The following PWWP3A variants were observed in gnomAD, a reference collection of about 807,000 sequenced individuals.
PWWP3A encodes PWWP domain-containing DNA repair factor 3A.
Under a neutral mutation model 79.0 loss-of-function variants are expected in PWWP3A, and 53 were observed. The observed-to-expected ratio is 0.67, with a 90% CI of 0.54 to 0.84. The LOEUF (loss-of-function observed/expected upper bound fraction) is 0.84. PWWP3A is among the 40% of genes least tolerant of loss of function. PWWP3A has a pLI of 0.00. For synonymous variants in PWWP3A, 443 were observed against 394.4 expected (o/e 1.12, Z -1.46); for missense variants, 973 against 948.0 (o/e 1.03, Z -0.35).
At chr19:1,371,210 C>T (rs749222697) in intron 12 of PWWP3A, 132 bp downstream of exon 12, 9 of 1,015,084 alleles carry the variant, frequency 8.9e-6, no homozygotes, top group Non-Finnish European at 1.2e-5. Context: ...AGCGTGGAGG[C>T]CTCCTGTGTT....
In PWWP3A at chr19:1,376,750, A is replaced by C; in HGVS notation, c.*174A>C. On this transcript the variant is annotated 3_prime_UTR_variant, in exon 14 of 14. Transcript: ENST00000591337. The stretch of plus-strand genomic sequence containing the variant: ...CTTCTGGAGAATCCATTTCGTTAAC[A>C]CTGAAAGCCAGTTCTCTTTTCCTGG... 2.0e-6 allele frequency: 1 copy of C among 507,822 alleles called. No individual in the cohort carries two copies. Among genetic ancestry groups the C allele is most frequent in the African/African-American group, 2.0e-5 (1 of 50,534 alleles). The allele number at this position is 507,822 out of a possible 1,614,324, so 31.5% of individuals were successfully genotyped here. A position where few individuals can be genotyped will look rare whatever the true frequency, so the allele number is the denominator to read the frequency against.
intron 13 of PWWP3A, among the ~76,000 whole-genome samples, chr19:1,375,414 TTA>T (rs1370989045): frequency 2.8e-5 from 3 of 107,660 alleles, no homozygotes; most frequent in Non-Finnish European, 3.7e-5. Context: ...ATAATATATA[TTA>T]TATATATAAA....
At chr19:1,361,291 G>A (rs2082009622) in intron 5 of PWWP3A, among the ~76,000 whole-genome samples, 2 of 152,248 alleles carry the variant, frequency 1.3e-5, no homozygotes, top group South Asian at 4.1e-4. Context: ...CCGTAGAGGG[G>A]CGGCGGGCCA....
intron 5 of PWWP3A, among the ~76,000 whole-genome samples, chr19:1,361,348 G>A (rs1396202825): frequency 2.0e-5 from 3 of 152,222 alleles, no homozygotes; most frequent in East Asian, 1.9e-4. Flanking sequence ...TGCTGAGGCC[G>A]CAGCTGCGGC....
In PWWP3A at chr19:1,376,122, C is replaced by CTT. The variant is rs764962400; in HGVS notation, c.2076-378_2076-377dup. 8.7e-3 allele frequency among the ~76,000 whole-genome samples: 931 copies of CTT among 107,628 alleles called. 35 individuals carry two copies. Among genetic ancestry groups the CTT allele is most frequent in the African/African-American group, 0.033 (878 of 26,810 alleles). The allele number at this position is 107,628 out of a possible 152,430, so 70.6% of individuals were successfully genotyped here. On this transcript the variant is annotated intron_variant, in intron 13 of 13. Coordinates refer to ENST00000591337, the MANE Select transcript of PWWP3A (RefSeq NM_001369789.1). Reference sequence around the variant, plus strand: ...AAGTGCCTGGACTCTCTGTCATACTCTTTTTTTTTTTTTTTTTTTTAGAGA... The same window carrying CTT: ...AAGTGCCTGGACTCTCTGTCATACTCTTTTTTTTTTTTTTTTTTTTTTAGAGA...
In PWWP3A at chr19:1,369,136, G is replaced by T; in HGVS notation, c.1423-129G>T. 9.2e-6 allele frequency: 7 copies of T among 756,768 alleles called. No homozygotes were observed. Among genetic ancestry groups the T allele is most frequent in the Middle Eastern group, 3.0e-4 (1 of 3,310 alleles). 46.9% of individuals were successfully genotyped at this position (756,768 alleles called of 1,614,324 possible). A position where few individuals can be genotyped will look rare whatever the true frequency, so the allele number is the denominator to read the frequency against. On this transcript the variant is annotated intron_variant, in intron 9 of 13. Coordinates refer to ENST00000591337, the MANE Select transcript of PWWP3A (RefSeq NM_001369789.1). The surrounding 1 kb of genome is among the most constrained non-coding windows in gnomAD (Gnocchi z 4.0). ...TGCCAGAGCCCCCTTTGTCAGGGAGGGTCAGAGGTGCGGGCTGGAGCGTGA... is the reference window on the plus strand; with the variant it reads ...TGCCAGAGCCCCCTTTGTCAGGGAGTGTCAGAGGTGCGGGCTGGAGCGTGA...
rs138481454 is a variant in PWWP3A, at chr19:1,370,652, C to T, written c.1560C>T (p.Val520=). 221 of 1,449,708 alleles carry T rather than the reference C, an allele frequency of 1.5e-4. No homozygotes were observed. The highest frequency in any genetic ancestry group is 1.9e-4 in the Non-Finnish European group (212 of 1,098,870). 89.8% of individuals were successfully genotyped at this position (1,449,708 alleles called of 1,614,324 possible). A position where few individuals can be genotyped will look rare whatever the true frequency, so the allele number is the denominator to read the frequency against. ...GTGCTTCTTTTGCAGGCTATCCTGT[C>T]CGAAAATCCATCCAGCAGGACGTCT... ...EYYAADISYP[V]RKSIQQDVLG... The change falls in exon 12 of 14, where the codon GTC becomes GTT. Residue 520 remains valine, a synonymous_variant. Transcript: ENST00000591337.
Position 1,370,883 on chromosome 19 carries a change from G to T in PWWP3A, c.1791G>T (p.Lys597Asn). The change falls in exon 12 of 14, where the codon AAG becomes AAT. Residue 597 changes from lysine to asparagine, a missense_variant. By Grantham distance (94) the Lys-to-Asn change is moderately conservative. Transcript: ENST00000591337. ...TGCGGGCCATCCTAAAGAGCAGGAA[G>T]CCATCTCGCTGGCTGCAGACCTTCC... Reference protein sequence around the residue: ...SHLRAILKSRKPSRWLQTFLS... With the variant: ...SHLRAILKSRNPSRWLQTFLS... 1 of 1,556,816 alleles carries T rather than the reference G, an allele frequency of 6.4e-7. No individual in the cohort carries two copies. The highest frequency in any genetic ancestry group is 8.7e-7 in the Non-Finnish European group (1 of 1,149,912).
In PWWP3A at chr19:1,362,371, C is replaced by T. The variant is rs768651058; in HGVS notation, c.1213+20C>T. On this transcript the variant is annotated intron_variant, in intron 6 of 13. Coordinates refer to ENST00000591337, the MANE Select transcript of PWWP3A (RefSeq NM_001369789.1). Reference sequence around the variant, plus strand: ...ACCACGGTAAGAAATGATCAGGGGGCGCCGGCAGTCCTAACGGTGCGCTCA... The same window carrying T: ...ACCACGGTAAGAAATGATCAGGGGGTGCCGGCAGTCCTAACGGTGCGCTCA... 1.3e-5 allele frequency: 21 copies of T among 1,600,264 alleles called. No homozygotes were observed. Among genetic ancestry groups the T allele is most frequent in the Middle Eastern group, 1.8e-4 (1 of 5,626 alleles).
chr19:1,356,439 G>A lies in PWWP3A; in HGVS notation c.47G>A (p.Trp16Ter). 1 of 1,614,142 alleles carries A rather than the reference G, an allele frequency of 6.2e-7. No individual in the cohort carries two copies. The highest frequency in any genetic ancestry group is 1.1e-5 in the South Asian group (1 of 91,082). Residue 16 changes from tryptophan to a stop codon, truncating the protein, a stop_gained, in exon 2 of 14, where the codon TGG (tryptophan) becomes TAG (stop). Coordinates refer to ENST00000591337, the MANE Select transcript of PWWP3A (RefSeq NM_001369789.1). LOFTEE classifies it high-confidence loss of function. ...YVLCRWEKRL[W>*]PAKVLARTAT... ...CTCTGCCGATGGGAAAAGCGATTAT[G>A]GCCTGCGAAGGTGACAGCCATTATT...
chr19:1,355,226 G>A (rs2081818833), intron 1 of PWWP3A, 91 bp downstream of exon 1: 1 of 152,096 alleles, frequency 6.6e-6, no homozygotes, highest in Non-Finnish European at 1.5e-5. Context: ...CCGGCCTAGA[G>A]ACTCCTCCGG....
rs1226029935 is a variant in PWWP3A, at chr19:1,368,686, A to G, written c.1423-579A>G. On this transcript the variant is annotated intron_variant, in intron 9 of 13. Coordinates refer to ENST00000591337, the MANE Select transcript of PWWP3A (RefSeq NM_001369789.1). This position sits in a 1 kb window ranked among gnomAD's most constrained non-coding sequence, Gnocchi z 4.7. ...CTGCTGCCAGCCCAGGTGCTGTTAG[A>G]GCAGCCCAGGTGCTGGCCTAGCCTG... 6.6e-6 allele frequency among the ~76,000 whole-genome samples: 1 copy of G among 152,150 alleles called. No homozygotes were observed.
In PWWP3A at chr19:1,364,511, C is replaced by A; in HGVS notation, c.1216C>A (p.Pro406Thr). Residue 406 changes from proline to threonine, a missense_variant and splice_region_variant, in exon 7 of 14, where the codon CCA (proline) becomes ACA (threonine). Physicochemically the swap from Pro to Thr is conservative, Grantham distance 38 (BLOSUM62 -1). Transcript: ENST00000591337. Reference sequence around the variant, plus strand: ...TTTTCTTTTTTCTTTAATTCTAGAACCACGTTCGTTTGAAGTAGGAATGCT... The same window carrying A: ...TTTTCTTTTTTCTTTAATTCTAGAAACACGTTCGTTTGAAGTAGGAATGCT... ...EPPRVLLYHE[P>T]RSFEVGMLVW... The A allele has an allele frequency of 6.3e-7, 1 of 1,594,462 alleles. No homozygotes were observed. Among genetic ancestry groups the A allele is most frequent in the Non-Finnish European group, 8.5e-7 (1 of 1,173,482 alleles).
rs2082169753 is a variant in PWWP3A at position 1,368,230 on chromosome 19, AGTT to A, written c.1422+1011_1422+1013del. Among the ~76,000 whole-genome samples, 1 of 152,040 alleles carries A rather than the reference AGTT, an allele frequency of 6.6e-6. No individual in the cohort carries two copies. Among genetic ancestry groups the A allele is most frequent in the Admixed American group, 6.5e-5 (1 of 15,268 alleles). ...GAGCCACTGCGCCCGGCTGGAACTG[AGTT>A]ACTTTCTAAAAATGGATGAAGGTGT... On this transcript the variant is annotated intron_variant, in intron 9 of 13. Coordinates refer to ENST00000591337, the MANE Select transcript of PWWP3A (RefSeq NM_001369789.1). This position sits in a 1 kb window ranked among gnomAD's most constrained non-coding sequence, Gnocchi z 4.7.
chr19:1,376,749 C>T lies in PWWP3A; in HGVS notation c.*173C>T. 2 of 510,818 alleles carry T rather than the reference C, an allele frequency of 3.9e-6. No individual in the cohort carries two copies. Among genetic ancestry groups the T allele is most frequent in the African/African-American group, 2.0e-5 (1 of 50,710 alleles). 31.6% of individuals were successfully genotyped at this position (510,818 alleles called of 1,614,324 possible). A position where few individuals can be genotyped will look rare whatever the true frequency, so the allele number is the denominator to read the frequency against. On this transcript the variant is annotated 3_prime_UTR_variant, in exon 14 of 14. Coordinates refer to ENST00000591337, the MANE Select transcript of PWWP3A (RefSeq NM_001369789.1). ...GCTTCTGGAGAATCCATTTCGTTAA[C>T]ACTGAAAGCCAGTTCTCTTTTCCTG...
intron 8 of PWWP3A, among the ~76,000 whole-genome samples, chr19:1,366,851 G>A (rs1193750745): frequency 2.0e-5 from 3 of 152,218 alleles, no homozygotes; most frequent in Non-Finnish European, 2.9e-5. Flanking sequence ...TCCCCAAGTC[G>A]AACGCGCAGA....
rs778113773 is a variant in PWWP3A, at chr19:1,366,352, C to T, written c.1332C>T (p.Ile444=). Residue 444 remains isoleucine (I), a synonymous_variant, in exon 8 of 14, where the codon ATC becomes ATT. Transcript: ENST00000591337. ...QRDKKASVLY[I]EGHMNPKMKG... ...ATAAGAAAGCAAGTGTGCTATACATCGAAGGACACATGAACCCGAAAATGA... is the reference window on the plus strand; with the variant it reads ...ATAAGAAAGCAAGTGTGCTATACATTGAAGGACACATGAACCCGAAAATGA... 1.1e-5 allele frequency: 17 copies of T among 1,614,080 alleles called. No individual in the cohort carries two copies. The highest frequency in any genetic ancestry group is 3.3e-5 in the Admixed American group (2 of 60,012).
Position 1,377,045 on chromosome 19 carries a change from G to A in PWWP3A, c.*469G>A. 6.5e-6 allele frequency: 1 copy of A among 153,094 alleles called. No individual in the cohort carries two copies. The highest frequency in any genetic ancestry group is 1.5e-5 in the Non-Finnish European group (1 of 68,690). The allele number at this position is 153,094 out of a possible 1,614,324, so 9.5% of individuals were successfully genotyped here. ...TCCCCCTTGTGTGGTTTCCGCCTGC[G>A]ACAGTTCCAGAATTTGCTCTCCCAC... On this transcript the variant is annotated 3_prime_UTR_variant, in exon 14 of 14. Coordinates refer to ENST00000591337, the MANE Select transcript of PWWP3A (RefSeq NM_001369789.1).
intron 13 of PWWP3A, among the ~76,000 whole-genome samples, chr19:1,375,549 A>ATATATTAAATATAAAATATATAATTT (rs1568965438): frequency 5.8e-4 from 2 of 3,426 alleles, no homozygotes; most frequent in Non-Finnish European, 1.1e-3. Flanking sequence ...TATATATAAA[A>ATATATTAAATATAAAATATATAATTT]TATATATTAT....
Sources: gnomAD v4.1 joint callset for allele counts (sites outside exome capture counted in the v4.1 genomes callset) on GRCh38, gnomAD v4.1.1 for gene constraint, Gnocchi (gnomAD v3.1) non-coding constraint, MANE v1.5 for transcripts, NCBI Gene and HGNC (gene_info 2026-07-23, HGNC 2026-07-21) for gene names.